MYPN: variants seen among roughly 807,000 people sequenced by gnomAD.
MYPN encodes the protein myopalladin.
In MYPN, 63 loss-of-function variants were observed where a neutral mutation model predicts 129.4. The ratio of observed to expected loss-of-function variants is 0.49; its 90% CI spans 0.40 to 0.60. The LOEUF (loss-of-function observed/expected upper bound fraction) is 0.60, where lower values mean the gene tolerates loss of function less well. Among genes scored for constraint, MYPN ranks in the 20% least tolerant of loss-of-function variants. The probability of loss-of-function intolerance (pLI) is 0.00; values close to 1 mark genes in which losing one functional copy is unlikely to be tolerated. For synonymous variants in MYPN, 629 were observed against 600.9 expected, an observed-to-expected ratio of 1.05 and a Z score of -0.68; for missense variants, 1,596 against 1,635.4, an observed-to-expected ratio of 0.98 and a Z score of 0.42.
In MYPN at chr10:68,121,551, C is replaced by T. The variant is rs549116983; in HGVS notation, c.113C>T (p.Ser38Phe). ...AATGAGAGGAGTCGAGCGGAGCCCT[C>T]CTCCAACCCTTGCCATTTCGGCAGT... ...GNNERSRAEPSSNPCHFGSPS... is the reference protein window; with the variant it reads ...GNNERSRAEPFSNPCHFGSPS... Residue 38 changes from serine to phenylalanine, a missense_variant, in exon 2 of 20, where the codon TCC becomes TTC. Physicochemically the swap from Ser to Phe is radical, Grantham distance 155 (BLOSUM62 -2). Coordinates refer to ENST00000358913, the MANE Select transcript of MYPN (RefSeq NM_032578.4). 6.8e-6 allele frequency: 11 copies of T among 1,614,204 alleles called. No homozygotes were observed. The highest frequency in any genetic ancestry group is 3.3e-4 in the Middle Eastern group (2 of 6,060).
chr10:68,114,257 A>G (rs1028804192), intron 1 of MYPN: 52 of 152,224 alleles, frequency 3.4e-4, no homozygotes, highest in African/African-American at 1.2e-3. Context: ...CTGAAGAAGG[A>G]TAGCACCGAG....
chr10:68,133,783 C>T (rs749639935), intron 2 of MYPN, among the ~76,000 whole-genome samples: 8 of 151,524 alleles, frequency 5.3e-5, no homozygotes, highest in South Asian at 2.1e-4. Context: ...CCAATTTACA[C>T]GGAAGCCAGA....
chr10:68,182,430 C>T (rs139697848), intron 12 of MYPN, among the ~76,000 whole-genome samples: 29,291 of 104,884 alleles, frequency 0.28, 4,999 homozygotes, highest in East Asian at 0.72. Flanking sequence ...ATATATAACA[C>T]ATATATATAA....
At position 68,194,248 on chromosome 10, in the gene MYPN, A is replaced by C. The variant is rs1009365087; in HGVS notation, c.2926-115A>C. ...TTTATAACTTTTTTTCAAGTGCTTC[A>C]TAAAGTATGGTCACTTAAAAGATGG... On this transcript the variant is annotated intron_variant, in intron 13 of 19. Transcript: ENST00000358913. 3.6e-6 allele frequency: 4 copies of C among 1,115,328 alleles called. No individual in the cohort carries two copies. The African/African-American group carries it at 4.7e-5, about 13-fold the overall frequency. 69.1% of individuals were successfully genotyped at this position (1,115,328 alleles called of 1,614,324 possible).
chr10:68,089,725 G>A (rs960544758), intron 1 of MYPN, among the ~76,000 whole-genome samples: 8 of 152,120 alleles, frequency 5.3e-5, no homozygotes, highest in African/African-American at 1.9e-4. Flanking sequence ...AGTATCAACT[G>A]TTGATTCACC....
intron 2 of MYPN, among the ~76,000 whole-genome samples, chr10:68,141,445 A>C (rs1339449645): frequency 6.6e-6 from 1 of 152,100 alleles, no homozygotes; most frequent in Admixed American, 6.5e-5. Context: ...GTTAGATCTA[A>C]ATTACAGTAA....
chr10:68,208,978 G>A (rs1271566509), intron 19 of MYPN, among the ~76,000 whole-genome samples: 2 of 152,192 alleles, frequency 1.3e-5, no homozygotes, highest in Non-Finnish European at 2.9e-5. Flanking sequence ...GCTCTTTAGT[G>A]AAACCGCTCT....
At chr10:68,179,465 G>A (rs2043280755) in intron 12 of MYPN, among the ~76,000 whole-genome samples, 1 of 152,112 alleles carries the variant, frequency 6.6e-6, no homozygotes. Context: ...GAACATTGCT[G>A]AATCAACCCA....
chr10:68,109,681 C>T lies in MYPN; in HGVS notation c.-44C>T, dbSNP rs764215381. 5.1e-5 allele frequency: 23 copies of T among 453,882 alleles called. No homozygotes were observed. Among genetic ancestry groups the T allele is most frequent in the Non-Finnish European group, 4.4e-6 (1 of 226,774 alleles). 28.1% of individuals were successfully genotyped at this position (453,882 alleles called of 1,614,324 possible). On this transcript the variant is annotated 5_prime_UTR_variant, in exon 1 of 20. Transcript: ENST00000358913. ...GGATAATTATCATTGCAGTGGAGTG[C>T]CTGGATTGGACATCCTCATCTGGGT... is the stretch of plus-strand genomic sequence containing the variant.
At chr10:68,194,895 A>G (rs967841557) in intron 14 of MYPN, among the ~76,000 whole-genome samples, 1 of 152,238 alleles carries the variant, frequency 6.6e-6, no homozygotes, top group Non-Finnish European at 1.5e-5. Context: ...TTACTTTGCG[A>G]AGGTTTGTGA....
intron 19 of MYPN, 84 bp from the exon 20 acceptor site, chr10:68,210,202 G>A (rs2043885752): frequency 6.8e-7 from 1 of 1,475,806 alleles, no homozygotes; most frequent in East Asian, 2.3e-5. Flanking sequence ...GGGAGAATCG[G>A]GGTGAGGACA....
chr10:68,203,634 T>A (rs893658123), intron 18 of MYPN, among the ~76,000 whole-genome samples: 1 of 151,610 alleles, frequency 6.6e-6, no homozygotes, highest in Non-Finnish European at 1.5e-5. Flanking sequence ...CTCATAGTGA[T>A]TAGCTTCTGA....
intron 6 of MYPN, among the ~76,000 whole-genome samples, chr10:68,157,875 C>T (rs796382061): frequency 2.0e-5 from 3 of 148,306 alleles, no homozygotes; most frequent in East Asian, 2.0e-4. Context: ...AAAACACCCC[C>T]GACCAATAAA....
At position 68,174,619 on chromosome 10, in the gene MYPN, A is replaced by T. The variant is rs2134201674; in HGVS notation, c.2527A>T (p.Thr843Ser). ...VLPSLPAIPPTNAMGLPRSAP... is the reference protein window; with the variant it reads ...VLPSLPAIPPSNAMGLPRSAP... ...GCCTTCTCTCCCTGCCATCCCACCC[A>T]CAAATGCCATGGGGCTGCCTAGAAG... Residue 843 changes from threonine (T) to serine (S), a missense_variant, in exon 11 of 20, where the codon ACA becomes TCA. Physicochemically the swap from Thr to Ser is moderately conservative, Grantham distance 58. Transcript: ENST00000358913. 1 of 1,614,008 alleles carries T rather than the reference A, an allele frequency of 6.2e-7. No homozygotes were observed. The highest frequency in any genetic ancestry group is 8.5e-7 in the Non-Finnish European group (1 of 1,179,992).
intron 5 of MYPN, among the ~76,000 whole-genome samples, chr10:68,149,429 G>A (rs150122722): frequency 0.02 from 2,986 of 151,554 alleles, 39 homozygotes; most frequent in Middle Eastern, 0.041. Context: ...ACATGTTATT[G>A]ATGTATTTCT....
intron 2 of MYPN, among the ~76,000 whole-genome samples, chr10:68,132,198 A>T (rs1429684762): frequency 1.3e-5 from 2 of 152,218 alleles, no homozygotes; most frequent in Non-Finnish European, 2.9e-5. Flanking sequence ...TTTAAAAATC[A>T]TGAAAGGATG....
At chr10:68,119,609 A>G (rs113337354) in intron 1 of MYPN, among the ~76,000 whole-genome samples, 17,646 of 152,014 alleles carry the variant, frequency 0.12, 1,077 homozygotes, top group South Asian at 0.18. Flanking sequence ...ACAGGGTTTC[A>G]CCATGCTGCC....
intron 5 of MYPN, among the ~76,000 whole-genome samples, chr10:68,149,800 A>T (rs2042735561): frequency 6.6e-6 from 1 of 152,140 alleles, no homozygotes; most frequent in East Asian, 1.9e-4. Context: ...AGATCCACAG[A>T]TCTACATGTG....
At chr10:68,183,372 A>G (rs2043369500) in intron 12 of MYPN, among the ~76,000 whole-genome samples, 1 of 152,108 alleles carries the variant, frequency 6.6e-6, no homozygotes, top group Non-Finnish European at 1.5e-5. Flanking sequence ...TGAGGTGGGA[A>G]GATGGCTTGC....
Sources: allele counts gnomAD v4.1 joint callset (sites outside exome capture counted in the v4.1 genomes callset), GRCh38; gene constraint gnomAD v4.1.1; transcripts MANE v1.5; gene names NCBI Gene and HGNC (gene_info 2026-07-23, HGNC 2026-07-21).